The following RFTN2 variants were observed in gnomAD, a reference collection of about 807,000 sequenced individuals.
RFTN2 encodes raftlin-2.
RFTN2 carries 34 observed loss-of-function variants against 52.7 expected under a neutral mutation model. The observed-to-expected ratio is 0.64, with a 90% confidence interval of 0.49 to 0.86. The LOEUF (loss-of-function observed/expected upper bound fraction) is 0.86, where lower values mean the gene tolerates loss of function less well. Among genes scored for constraint, RFTN2 ranks in the 40% least tolerant of loss-of-function variants. RFTN2 has a pLI of 0.00. For missense variants in RFTN2, 536 were observed against 600.1 expected (o/e 0.89, Z 1.12); for synonymous variants, 203 against 217.7 (o/e 0.93, Z 0.59).
intron 7 of RFTN2, among the ~76,000 whole-genome samples, chr2:197,603,889 T>G (rs1228240981): frequency 6.6e-6 from 1 of 152,134 alleles, no homozygotes; most frequent in East Asian, 1.9e-4. Flanking sequence ...ATCATGCCCC[T>G]GCACTCCAGT....
At chr2:197,634,653 G>C (rs1319033958) in intron 3 of RFTN2, among the ~76,000 whole-genome samples, 1 of 151,098 alleles carries the variant, frequency 6.6e-6, no homozygotes, top group Non-Finnish European at 1.5e-5. Flanking sequence ...TATAATATCA[G>C]TGAAATAATT....
chr2:197,626,179 C>A (rs144491433), intron 5 of RFTN2, among the ~76,000 whole-genome samples: 2 of 152,198 alleles, frequency 1.3e-5, no homozygotes, highest in South Asian at 4.1e-4. Flanking sequence ...TAAAAGCACA[C>A]ACTCCATCTA....
chr2:197,613,735 G>A (rs1252414850), intron 7 of RFTN2, among the ~76,000 whole-genome samples: 1 of 152,198 alleles, frequency 6.6e-6, no homozygotes, highest in Non-Finnish European at 1.5e-5. Context: ...TATATTTCCT[G>A]TGTTGCAGGC....
chr2:197,640,166 T>C (rs1212740191), intron 3 of RFTN2, among the ~76,000 whole-genome samples: 2 of 152,208 alleles, frequency 1.3e-5, no homozygotes, highest in East Asian at 1.9e-4. Context: ...GACATTTAAG[T>C]CTGCAGAGGT....
intron 5 of RFTN2, among the ~76,000 whole-genome samples, chr2:197,619,746 A>G (rs939223426): frequency 4.6e-4 from 66 of 144,886 alleles, no homozygotes; most frequent in African/African-American, 1.7e-3. Flanking sequence ...CAATTAAAAA[A>G]AAAAAATAAT....
intron 8 of RFTN2, among the ~76,000 whole-genome samples, chr2:197,594,072 G>A (rs1284300810): frequency 2.1e-5 from 3 of 140,934 alleles, no homozygotes; most frequent in East Asian, 2.1e-4. Flanking sequence ...CTGCAGTGCA[G>A]TGGTGCGATC....
intron 6 of RFTN2, among the ~76,000 whole-genome samples, chr2:197,616,310 AAG>A (rs2088144637): frequency 1.6e-4 from 1 of 6,116 alleles, no homozygotes; most frequent in African/African-American, 6.3e-4. Flanking sequence ...TTTTATTTTA[AAG>A]AGAGGGTCTC....
At chr2:197,610,976 G>T (rs1054818755) in intron 7 of RFTN2, among the ~76,000 whole-genome samples, 5 of 152,194 alleles carry the variant, frequency 3.3e-5, no homozygotes, top group Non-Finnish European at 7.3e-5. Context: ...CTTGATTGTG[G>T]TGGATAAGCT....
chr2:197,601,311 G>A (rs951063940), intron 7 of RFTN2, among the ~76,000 whole-genome samples: 4 of 152,232 alleles, frequency 2.6e-5, no homozygotes, highest in African/African-American at 4.8e-5. Context: ...CTATCAAGAA[G>A]ATTGGGTCTT....
chr2:197,622,029 G>A (rs2088274731), intron 5 of RFTN2, among the ~76,000 whole-genome samples: 1 of 152,168 alleles, frequency 6.6e-6, no homozygotes, highest in South Asian at 2.1e-4. Context: ...GATCAAAGCA[G>A]CCACAAGCAG....
At chr2:197,619,766 A>G (rs2088228615) in intron 5 of RFTN2, among the ~76,000 whole-genome samples, 1 of 148,746 alleles carries the variant, frequency 6.7e-6, no homozygotes, top group African/African-American at 2.5e-5. Context: ...TAATAACAAT[A>G]ATAAAATAAA....
intron 5 of RFTN2, among the ~76,000 whole-genome samples, chr2:197,620,404 T>G (rs1423035014): frequency 6.6e-6 from 1 of 152,216 alleles, no homozygotes; most frequent in Non-Finnish European, 1.5e-5. Context: ...ATGTGCTGCT[T>G]AAACATTTCG....
chr2:197,574,442 A>T (rs2087378744), intron 8 of RFTN2, among the ~76,000 whole-genome samples: 1 of 152,138 alleles, frequency 6.6e-6, no homozygotes, highest in Non-Finnish European at 1.5e-5. Flanking sequence ...GTATTTACCC[A>T]ATGCCTGTAC....
chr2:197,669,027 A>G (rs1441791918), intron 1 of RFTN2, among the ~76,000 whole-genome samples: 1 of 152,050 alleles, frequency 6.6e-6, no homozygotes, highest in African/African-American at 2.4e-5. Context: ...CTTGTTTTAG[A>G]TATTTCTTGT....
At chr2:197,614,339 A>C (rs2088108274) in intron 7 of RFTN2, among the ~76,000 whole-genome samples, 1 of 152,196 alleles carries the variant, frequency 6.6e-6, no homozygotes, top group South Asian at 2.1e-4. Flanking sequence ...GTTTGGCTGG[A>C]GATGGTTGGA....
chr2:197,642,857 C>T (rs1320348868), intron 3 of RFTN2, among the ~76,000 whole-genome samples: 1 of 152,104 alleles, frequency 6.6e-6, no homozygotes, highest in African/African-American at 2.4e-5. Context: ...CCCATGCCTA[C>T]AATCCCAGCT....
chr2:197,574,054 G>T (rs951595086), intron 8 of RFTN2, among the ~76,000 whole-genome samples: 1 of 152,230 alleles, frequency 6.6e-6, no homozygotes, highest in Non-Finnish European at 1.5e-5. Flanking sequence ...AGTGTGGAAG[G>T]GAATTGTGGG....
intron 5 of RFTN2, among the ~76,000 whole-genome samples, chr2:197,628,177 C>CT (rs1486263128): frequency 7.1e-6 from 1 of 141,458 alleles, no homozygotes; most frequent in African/African-American, 2.7e-5. Context: ...GTCACAATTT[C>CT]CCCTTGGCAA....
At chr2:197,604,419 GGTAAAACTTACAATGTTAA>G (rs1321193887) in intron 7 of RFTN2, among the ~76,000 whole-genome samples, 3 of 152,092 alleles carry the variant, frequency 2.0e-5, no homozygotes, top group African/African-American at 7.2e-5. Flanking sequence ...ACACGGCATA[GGTAAAACTTACAATGTTAA>G]GTGAAAGCAG....
Sources: allele counts gnomAD v4.1 joint callset (sites outside exome capture counted in the v4.1 genomes callset), GRCh38; gene constraint gnomAD v4.1.1; transcripts MANE v1.5; gene names NCBI Gene and HGNC (gene_info 2026-07-23, HGNC 2026-07-21).